DOCK4: variants seen among roughly 807,000 people sequenced by gnomAD.
DOCK4 encodes dedicator of cytokinesis 4, also known as dedicator of cytokinesis protein 4.
In DOCK4, 97 loss-of-function variants were observed where a neutral mutation model predicts 268.1. The ratio of observed to expected loss-of-function variants is 0.36; its 90% CI spans 0.31 to 0.43. DOCK4 has a LOEUF of 0.43. Ranked by LOEUF, DOCK4 falls within the 20% of genes least tolerant of loss-of-function variation. The pLI is 1.00. For missense variants in DOCK4, 2,145 were observed against 2,455.7 expected (o/e 0.87, Z 2.67); for synonymous variants, 954 against 887.2 (o/e 1.08, Z -1.34).
chr7:111,977,350 C>A, intron 7 of DOCK4, 67 bp from the exon 8 acceptor site: 1 of 1,523,264 alleles, frequency 6.6e-7, no homozygotes, highest in Admixed American at 2.0e-5. Flanking sequence ...ACCCAACAAA[C>A]TAGTTAGCTA....
At chr7:111,883,038 C>T (rs1451363817) in intron 16 of DOCK4, among the ~76,000 whole-genome samples, 1 of 152,144 alleles carries the variant, frequency 6.6e-6, no homozygotes, top group East Asian at 1.9e-4. Context: ...AATAAACAGC[C>T]TCTATACTTC....
intron 50 of DOCK4, 86 bp from the exon 51 acceptor site, chr7:111,735,253 CAG>C (rs1491519741): frequency 1.1e-6 from 1 of 929,452 alleles, no homozygotes; most frequent in Non-Finnish European, 1.6e-6. Flanking sequence ...CAGAATTATC[CAG>C]AATGAAAAAC....
chr7:111,822,487 T>C (rs754463349), intron 26 of DOCK4, 31 bp from the exon 27 acceptor site: 2 of 1,565,184 alleles, frequency 1.3e-6, no homozygotes, highest in Non-Finnish European at 8.7e-7. Flanking sequence ...ATCATTTTAT[T>C]GGTTTATTGT....
chr7:112,182,456 G>A (rs1413141825), intron 1 of DOCK4, among the ~76,000 whole-genome samples: 1 of 152,210 alleles, frequency 6.6e-6, no homozygotes, highest in Non-Finnish European at 1.5e-5. Flanking sequence ...TGAGAGGGGT[G>A]TTAGCATTGC....
chr7:112,076,875 A>C (rs1474938211), intron 1 of DOCK4, among the ~76,000 whole-genome samples: 1 of 152,174 alleles, frequency 6.6e-6, no homozygotes, highest in African/African-American at 2.4e-5. Flanking sequence ...GCGTTGACTG[A>C]ATATACTATT....
At chr7:112,068,838 A>G (rs1185051702) in intron 1 of DOCK4, among the ~76,000 whole-genome samples, 1 of 152,194 alleles carries the variant, frequency 6.6e-6, no homozygotes, top group African/African-American at 2.4e-5. Flanking sequence ...CCTGAGATGT[A>G]GGATCTCTAT....
intron 1 of DOCK4, among the ~76,000 whole-genome samples, chr7:112,112,487 C>CA (rs969119650): frequency 2.6e-5 from 4 of 151,862 alleles, no homozygotes; most frequent in Non-Finnish European, 4.4e-5. Context: ...ACTAAAAATA[C>CA]AAAAAAACTA....
intron 1 of DOCK4, among the ~76,000 whole-genome samples, chr7:112,007,084 T>C (rs552890266): frequency 5.3e-5 from 8 of 152,198 alleles, no homozygotes; most frequent in Non-Finnish European, 1.2e-4. Flanking sequence ...CATTAGAAGA[T>C]TTCCTGATGT....
chr7:111,971,465 T>C, intron 8 of DOCK4: 1 of 224,900 alleles, frequency 4.4e-6, no homozygotes, highest in Non-Finnish European at 8.9e-6. Context: ...GCCTTCCCCT[T>C]GATAATGCAG....
At chr7:111,973,857 TTGG>T (rs1797926719) in intron 8 of DOCK4, among the ~76,000 whole-genome samples, 1 of 152,174 alleles carries the variant, frequency 6.6e-6, no homozygotes, top group African/African-American at 2.4e-5. Flanking sequence ...TCTATATATG[TTGG>T]AAATTTTTCT....
At chr7:112,038,855 G>A (rs756552698) in intron 1 of DOCK4, among the ~76,000 whole-genome samples, 14 of 152,212 alleles carry the variant, frequency 9.2e-5, no homozygotes, top group Non-Finnish European at 1.8e-4. Context: ...GTGACTACAA[G>A]CTATTCCAAC....
At chr7:111,954,069 T>C (rs569575921) in intron 8 of DOCK4, among the ~76,000 whole-genome samples, 1 of 152,356 alleles carries the variant, frequency 6.6e-6, no homozygotes, top group Admixed American at 6.5e-5. Flanking sequence ...GTATGAAATA[T>C]ACATGTTAGT....
At chr7:112,166,779 G>A (rs989530219) in intron 1 of DOCK4, among the ~76,000 whole-genome samples, 10 of 152,048 alleles carry the variant, frequency 6.6e-5, no homozygotes, top group Middle Eastern at 3.4e-3. Context: ...CTTCTCTTAG[G>A]TGATAATAGT....
intron 1 of DOCK4, among the ~76,000 whole-genome samples, chr7:112,153,765 G>A (rs189311734): frequency 1.6e-3 from 251 of 152,232 alleles, no homozygotes; most frequent in Middle Eastern, 3.4e-3. Flanking sequence ...CATTGTCCCA[G>A]CAAAACAAAA....
intron 27 of DOCK4, among the ~76,000 whole-genome samples, chr7:111,814,645 G>A (rs531160977): frequency 6.6e-6 from 1 of 152,288 alleles, no homozygotes; most frequent in Admixed American, 6.5e-5. Flanking sequence ...GAAGAGCAAG[G>A]CTCCGGAGTG....
chr7:112,204,997 G>A (rs1233797584), intron 1 of DOCK4, among the ~76,000 whole-genome samples: 1 of 152,006 alleles, frequency 6.6e-6, no homozygotes, highest in Non-Finnish European at 1.5e-5. Flanking sequence ...CTTCTGGGAG[G>A]TTATAATTGC....
rs912465624 is a variant in DOCK4 at position 112,008,748 on chromosome 7, C to T, written c.38-4617G>A. Among the ~76,000 whole-genome samples, 6 of 152,352 alleles carry T rather than the reference C, an allele frequency of 3.9e-5. No individual in the cohort carries two copies. The East Asian group carries it at 5.8e-4, about 15-fold the overall frequency. ...CTGGCTTATGCCTGTAATCCCAGCA[C>T]TTTGCGGGGCCGAGGCAGGCAGATC... On this transcript the variant is annotated intron_variant, in intron 1 of 52. Coordinates refer to ENST00000428084, the MANE Select transcript of DOCK4 (RefSeq NM_001363540.2).
In DOCK4 at chr7:112,085,571, A is replaced by C. The variant is rs73715416; in HGVS notation, c.38-81440T>G. Among the ~76,000 whole-genome samples the C allele has an allele frequency of 3.8e-3, 576 of 152,286 alleles. 3 individuals are homozygous for C. The highest frequency in any genetic ancestry group is 0.013 in the African/African-American group (542 of 41,574). ...TCCTGTAAAAAGTGTATTTCAAGGT[A>C]ATCAAGTAGCAGATGGGTAGAAGTT... On this transcript the variant is annotated intron_variant, in intron 1 of 52. Coordinates refer to ENST00000428084, the MANE Select transcript of DOCK4 (RefSeq NM_001363540.2).
chr7:111,792,741 T>A (rs1196799338), intron 30 of DOCK4, among the ~76,000 whole-genome samples: 1 of 152,156 alleles, frequency 6.6e-6, no homozygotes, highest in Admixed American at 6.5e-5. Flanking sequence ...GCTAAAATGA[T>A]GACTGAGATG....
Sources: gnomAD v4.1 joint callset for allele counts (sites outside exome capture counted in the v4.1 genomes callset) on GRCh38, gnomAD v4.1.1 for gene constraint, MANE v1.5 for transcripts, NCBI Gene and HGNC (gene_info 2026-07-23, HGNC 2026-07-21) for gene names.